CACNA1C: variants seen among roughly 807,000 people sequenced by gnomAD.
CACNA1C encodes the protein voltage-dependent L-type calcium channel subunit alpha-1C.
Under a neutral mutation model 229.0 loss-of-function variants are expected in CACNA1C, and 30 were observed. The observed-to-expected ratio is 0.13, with a 90% CI of 0.10 to 0.18. CACNA1C has a LOEUF of 0.18. Ranked by LOEUF, CACNA1C falls within the 10% of genes least tolerant of loss-of-function variation. The probability of loss-of-function intolerance (pLI) is 1.00; values close to 1 mark genes in which losing one functional copy is unlikely to be tolerated. For missense variants in CACNA1C, 1,658 were observed against 2,845.0 expected, an observed-to-expected ratio of 0.58 and a Z score of 9.49; for synonymous variants, 1,114 against 1,132.5, an observed-to-expected ratio of 0.98 and a Z score of 0.33.
intron 3 of CACNA1C, among the ~76,000 whole-genome samples, chr12:2,446,938 C>A (rs1160162685): frequency 6.6e-6 from 1 of 152,080 alleles, no homozygotes; most frequent in Non-Finnish European, 1.5e-5. Context: ...TATGAAAGCA[C>A]CTGACACCTA....
intron 11 of CACNA1C, among the ~76,000 whole-genome samples, chr12:2,561,680 G>T (rs1418315455): frequency 6.6e-6 from 1 of 152,230 alleles, no homozygotes; most frequent in Admixed American, 6.5e-5. Context: ...AAGGCCCAGT[G>T]TAGGGAGAAG....
At chr12:2,255,316 G>A (rs2077019031) in intron 3 of CACNA1C, among the ~76,000 whole-genome samples, 1 of 151,822 alleles carries the variant, frequency 6.6e-6, no homozygotes. Flanking sequence ...CCATTCCCCA[G>A]GTGTGGGAGT....
At chr12:2,142,375 C>G (rs1334670817) in intron 3 of CACNA1C, among the ~76,000 whole-genome samples, 2 of 151,160 alleles carry the variant, frequency 1.3e-5, no homozygotes, top group African/African-American at 4.8e-5. Flanking sequence ...GTAAACAAAC[C>G]TACTGGGCTG....
chr12:2,186,039 G>A (rs922751645), intron 3 of CACNA1C, among the ~76,000 whole-genome samples: 8 of 152,114 alleles, frequency 5.3e-5, no homozygotes, highest in African/African-American at 1.7e-4. Context: ...CACCTCACTC[G>A]GTTCCCTACT....
chr12:2,198,868 A>G (rs1441386215), intron 3 of CACNA1C, among the ~76,000 whole-genome samples: 1 of 152,108 alleles, frequency 6.6e-6, no homozygotes, highest in Non-Finnish European at 1.5e-5. Context: ...ATTTTACTAT[A>G]TGCTAATTTT....
At chr12:2,620,363 C>A (rs1445834493) in intron 29 of CACNA1C, among the ~76,000 whole-genome samples, 2 of 152,168 alleles carry the variant, frequency 1.3e-5, no homozygotes, top group Non-Finnish European at 2.9e-5. Context: ...CCACGACAAC[C>A]CTATTAAAAC....
intron 3 of CACNA1C, among the ~76,000 whole-genome samples, chr12:2,154,979 C>G (rs892901156): frequency 6.6e-6 from 1 of 152,200 alleles, no homozygotes; most frequent in African/African-American, 2.4e-5. Context: ...TCCTGCCGTC[C>G]TAGAGTATAG....
intron 3 of CACNA1C, among the ~76,000 whole-genome samples, chr12:2,120,989 A>G (rs2086441187): frequency 6.6e-6 from 1 of 152,116 alleles, no homozygotes. Flanking sequence ...AGCTCTGGCA[A>G]TTTGGGGTTA....
chr12:2,572,317 CCTCT>C (rs1480440521), intron 13 of CACNA1C, among the ~76,000 whole-genome samples: 2 of 144,784 alleles, frequency 1.4e-5, no homozygotes, highest in African/African-American at 2.5e-5. Flanking sequence ...TCCTCCTCCT[CCTCT>C]TCCTCCTCCT....
intron 11 of CACNA1C, among the ~76,000 whole-genome samples, chr12:2,558,434 T>G (rs1405071050): frequency 1.3e-5 from 2 of 152,218 alleles, no homozygotes; most frequent in Non-Finnish European, 2.9e-5. Flanking sequence ...CTCTGACCCT[T>G]GAGTTCTGTT....
chr12:2,645,433 A>G (rs190459967), intron 30 of CACNA1C, among the ~76,000 whole-genome samples: 4 of 152,346 alleles, frequency 2.6e-5, no homozygotes, highest in African/African-American at 7.2e-5. Flanking sequence ...GATGCTTTGT[A>G]GTTTCTCAAG....
At chr12:2,323,171 C>G (rs2096102480) in intron 3 of CACNA1C, among the ~76,000 whole-genome samples, 1 of 152,212 alleles carries the variant, frequency 6.6e-6, no homozygotes, top group Admixed American at 6.5e-5. Flanking sequence ...ACGGCTGTAG[C>G]TCTTTTTCAG....
intron 4 of CACNA1C, among the ~76,000 whole-genome samples, chr12:2,452,549 G>A (rs7316661): frequency 0.47 from 70,853 of 152,008 alleles, 16,972 homozygotes; most frequent in East Asian, 0.73. Context: ...GCAGTCCTTC[G>A]GCCAGGCGTC....
chr12:2,590,103 C>A (rs1327686484), intron 18 of CACNA1C, among the ~76,000 whole-genome samples: 1 of 152,160 alleles, frequency 6.6e-6, no homozygotes, highest in Non-Finnish European at 1.5e-5. Context: ...GGACAAGAAC[C>A]ATGGCTTTGT....
chr12:2,441,364 A>G (rs1046009225), intron 3 of CACNA1C, among the ~76,000 whole-genome samples: 1 of 150,142 alleles, frequency 6.7e-6, no homozygotes, highest in Non-Finnish European at 1.5e-5. Flanking sequence ...TCCTGGTCCC[A>G]AGAGATCTAC....
intron 1 of CACNA1C, among the ~76,000 whole-genome samples, chr12:2,107,767 C>T (rs535714577): frequency 1.7e-4 from 26 of 152,368 alleles, no homozygotes; most frequent in South Asian, 4.1e-4. Context: ...AATCCACCCA[C>T]CCATCAACAT....
At chr12:2,120,888 C>T (rs2086392672) in intron 3 of CACNA1C, among the ~76,000 whole-genome samples, 11 of 152,014 alleles carry the variant, frequency 7.2e-5, no homozygotes, top group Admixed American at 6.6e-5. Flanking sequence ...CTTTTAGGAA[C>T]ATTTGCTTTT....
chr12:2,100,644 C>A (rs1229445083), intron 1 of CACNA1C, among the ~76,000 whole-genome samples: 1 of 149,120 alleles, frequency 6.7e-6, no homozygotes, highest in Admixed American at 6.7e-5. Context: ...GTAGTCCCAG[C>A]TACTTGGGAG....
chr12:2,415,424 A>G (rs1416877797), intron 3 of CACNA1C, among the ~76,000 whole-genome samples: 1 of 152,194 alleles, frequency 6.6e-6, no homozygotes, highest in Non-Finnish European at 1.5e-5. Flanking sequence ...CATGGCAGCA[A>G]GCTGGTGACC....
Sources: gnomAD v4.1 joint callset for allele counts (sites outside exome capture counted in the v4.1 genomes callset) on GRCh38, gnomAD v4.1.1 for gene constraint, MANE v1.5 for transcripts, NCBI Gene and HGNC (gene_info 2026-07-23, HGNC 2026-07-21) for gene names.